Variants in FBXL14 observed in about 807,000 individuals in gnomAD.
FBXL14 encodes the protein F-box/LRR-repeat protein 14.
Under a neutral mutation model 24.5 loss-of-function variants are expected in FBXL14, and 11 were observed. That is an observed-to-expected ratio of 0.45 (90% CI 0.28 to 0.74). FBXL14 has a LOEUF of 0.74. FBXL14 is among the 30% of genes least tolerant of loss of function. FBXL14 has a pLI of 0.12. For missense variants in FBXL14, 384 were observed against 545.6 expected (o/e 0.70, Z 2.95); for synonymous variants, 294 against 240.4 (o/e 1.22, Z -2.06).
At chr12:1,580,837 G>C (rs2154438010) in intron 1 of FBXL14, among the ~76,000 whole-genome samples, 1 of 152,274 alleles carries the variant, frequency 6.6e-6, no homozygotes, top group Non-Finnish European at 1.5e-5. Flanking sequence ...TGGAGGAGCG[G>C]GAAGGTGTTT....
chr12:1,566,705 G>C lies in FBXL14; in HGVS notation c.*43C>G, dbSNP rs756416316. The C allele has an allele frequency of 2.7e-5, 21 of 780,090 alleles. No individual in the cohort carries two copies. The highest frequency in any genetic ancestry group is 1.7e-4 in the African/African-American group (10 of 59,138). 48.3% of individuals were successfully genotyped at this position (780,090 alleles called of 1,614,324 possible). On this transcript the variant is annotated 3_prime_UTR_variant, in exon 2 of 2. Transcript: ENST00000339235. ...CGGAGGCGCAGAGCGGGCAAGTCTG[G>C]AAGTTAAAGATCCACGGGAACCATG...
intron 1 of FBXL14, among the ~76,000 whole-genome samples, chr12:1,570,143 CAGA>C (rs1181982493): frequency 2.0e-5 from 3 of 152,152 alleles, no homozygotes; most frequent in Non-Finnish European, 4.4e-5. Context: ...TGTGTTCCTC[CAGA>C]AGCCCACCCT....
Position 1,592,873 on chromosome 12 carries a change from C to T in FBXL14, c.1194G>A (p.Lys398=), listed in dbSNP as rs752029767. 2.8e-5 allele frequency: 43 copies of T among 1,563,260 alleles called. No individual in the cohort carries two copies. The highest frequency in any genetic ancestry group is 3.7e-5 in the Non-Finnish European group (42 of 1,150,118). The change falls in exon 1 of 2, where the codon AAG becomes AAA. Residue 398 remains lysine (K), a splice_region_variant and synonymous_variant. Coordinates refer to ENST00000339235, the MANE Select transcript of FBXL14 (RefSeq NM_152441.3). ...GCTGGTGCTGCCGCCCTCACCTGAC[C>T]TTCTCACTGTCCGTCATCTGCCAGA... ...LGLWQMTDSE[K]EARGDFSPLF...
chr12:1,573,932 G>C (rs888967729), intron 1 of FBXL14, among the ~76,000 whole-genome samples: 2 of 152,052 alleles, frequency 1.3e-5, no homozygotes, highest in African/African-American at 4.8e-5. Context: ...TTGAACCTGG[G>C]AGGTGGAGGT....
intron 1 of FBXL14, among the ~76,000 whole-genome samples, chr12:1,586,182 GTTT>G (rs79133793): frequency 3.6e-5 from 5 of 137,774 alleles, no homozygotes; most frequent in African/African-American, 8.0e-5. Flanking sequence ...AGCATTTGGG[GTTT>G]TTTTTTTTTT....
chr12:1,573,877 T>C (rs1287209203), intron 1 of FBXL14, among the ~76,000 whole-genome samples: 1 of 152,098 alleles, frequency 6.6e-6, no homozygotes, highest in African/African-American at 2.4e-5. Context: ...TGGTGGCGCA[T>C]GCCTGTAATC....
chr12:1,587,844 G>A (rs1322616889), intron 1 of FBXL14, among the ~76,000 whole-genome samples: 2 of 152,176 alleles, frequency 1.3e-5, no homozygotes, highest in Admixed American at 6.5e-5. Context: ...TTCTAATGCT[G>A]TGCTTTACTC....
In FBXL14 at chr12:1,591,704, GTTAATAGAACAGAGATAAGATA is replaced by G. The variant is rs983347934; in HGVS notation, c.1194+1147_1194+1168del. The stretch of plus-strand genomic sequence containing the variant: ...TTTAAAACCCACAAACTCCCATTTT[GTTAATAGAACAGAGATAAGATA>G]TGAGCTTCATCACAGCCCCAGGGGC... On this transcript the variant is annotated intron_variant, in intron 1 of 1. Coordinates refer to ENST00000339235, the MANE Select transcript of FBXL14 (RefSeq NM_152441.3). Among the ~76,000 whole-genome samples the G allele has an allele frequency of 2.8e-4, 42 of 152,142 alleles. 1 individual carries two copies. The highest frequency in any genetic ancestry group is 9.4e-4 in the African/African-American group (39 of 41,424).
In FBXL14 at chr12:1,593,863, C is replaced by T. The variant is rs1389224728; in HGVS notation, c.204G>A (p.Arg68=). Residue 68 remains arginine (R), a synonymous_variant, in exon 1 of 2, where the codon CGG becomes CGA. Transcript: ENST00000339235. This position sits in a 1 kb window ranked among gnomAD's most constrained non-coding sequence, Gnocchi z 7.4. ...TCAGGATCTGCACCCGGCGGATGCCCCGGGCCTGCAGGCTGGGGAACAGCG... is the reference window on the plus strand; with the variant it reads ...TCAGGATCTGCACCCGGCGGATGCCTCGGGCCTGCAGGCTGGGGAACAGCG... The part of the protein sequence containing the change: ...NPSLFPSLQA[R]GIRRVQILSL... 6.2e-7 allele frequency: 1 copy of T among 1,612,802 alleles called. No homozygotes were observed. The highest frequency in any genetic ancestry group is 8.5e-7 in the Non-Finnish European group (1 of 1,179,896).
At chr12:1,568,437 C>T (rs2094439759) in intron 1 of FBXL14, among the ~76,000 whole-genome samples, 1 of 152,004 alleles carries the variant, frequency 6.6e-6, no homozygotes, top group Admixed American at 6.6e-5. Context: ...AAAGAAAATG[C>T]TATAGGTCAG....
chr12:1,591,864 A>G (rs1200262703), intron 1 of FBXL14, among the ~76,000 whole-genome samples: 1 of 152,100 alleles, frequency 6.6e-6, no homozygotes, highest in Non-Finnish European at 1.5e-5. Flanking sequence ...TATAATCATC[A>G]TTTTCAAGAC....
intron 1 of FBXL14, among the ~76,000 whole-genome samples, chr12:1,583,356 C>T (rs1310749846): frequency 6.6e-6 from 1 of 151,018 alleles, no homozygotes; most frequent in Admixed American, 6.6e-5. Context: ...ATGAAGTGCC[C>T]TTTAAGAAGA....
chr12:1,594,067 C>A lies in FBXL14; in HGVS notation c.-1G>T, dbSNP rs780830317. ...ACAGGCATGAGATGTGGGTCTCCATCTTCCTCCTCCCCCCTCCGCGGCGCT... is the reference window on the plus strand; with the variant it reads ...ACAGGCATGAGATGTGGGTCTCCATATTCCTCCTCCCCCCTCCGCGGCGCT... On this transcript the variant is annotated 5_prime_UTR_variant, in exon 1 of 2. Coordinates refer to ENST00000339235, the MANE Select transcript of FBXL14 (RefSeq NM_152441.3). 20 of 1,464,582 alleles carry A rather than the reference C, an allele frequency of 1.4e-5. No homozygotes were observed. The highest frequency in any genetic ancestry group is 1.8e-5 in the Non-Finnish European group (20 of 1,116,284). 90.7% of individuals were successfully genotyped at this position (1,464,582 alleles called of 1,614,324 possible).
In FBXL14 at chr12:1,569,849, A is replaced by G. The variant is rs1405849822; in HGVS notation, c.1195-3039T>C. Among the ~76,000 whole-genome samples, 1 of 152,218 alleles carries G rather than the reference A, an allele frequency of 6.6e-6. No homozygotes were observed. Among genetic ancestry groups the G allele is most frequent in the East Asian group, 1.9e-4 (1 of 5,188 alleles). On this transcript the variant is annotated intron_variant, in intron 1 of 1. Transcript: ENST00000339235. The surrounding 1 kb of genome is among the most constrained non-coding windows in gnomAD (Gnocchi z 4.2). ...CACTCACCCAGAGTCCCCTGTGCAA[A>G]GGAAGGGAGGCTCACACAGAGCCAA...
chr12:1,570,319 G>A (rs539831364), intron 1 of FBXL14, among the ~76,000 whole-genome samples: 9 of 152,288 alleles, frequency 5.9e-5, no homozygotes, highest in African/African-American at 1.9e-4. Flanking sequence ...GAAGTCAGCC[G>A]GGGTACAACA....
chr12:1,570,481 G>A (rs1194301331), intron 1 of FBXL14, among the ~76,000 whole-genome samples: 1 of 152,144 alleles, frequency 6.6e-6, no homozygotes, highest in Non-Finnish European at 1.5e-5. Context: ...TCTCGTGCCT[G>A]AAGGGTGAAG....
chr12:1,583,269 C>T (rs2094470256), intron 1 of FBXL14, among the ~76,000 whole-genome samples: 1 of 151,598 alleles, frequency 6.6e-6, no homozygotes, highest in African/African-American at 2.4e-5. Flanking sequence ...TAAATTGATA[C>T]CTCCATGTAT....
chr12:1,591,313 T>C (rs1055986477), intron 1 of FBXL14, among the ~76,000 whole-genome samples: 4 of 150,164 alleles, frequency 2.7e-5, no homozygotes, highest in Non-Finnish European at 5.9e-5. Context: ...AAGCACACAA[T>C]GCCTTAAAAA....
At chr12:1,588,067 G>C (rs2154438273) in intron 1 of FBXL14, among the ~76,000 whole-genome samples, 1 of 152,354 alleles carries the variant, frequency 6.6e-6, no homozygotes, top group South Asian at 2.1e-4. Context: ...ACACAGCAGA[G>C]ATCAGAGGCC....
Sources: allele counts gnomAD v4.1 joint callset (sites outside exome capture counted in the v4.1 genomes callset), GRCh38; gene constraint gnomAD v4.1.1; non-coding constraint Gnocchi (gnomAD v3.1); transcripts MANE v1.5; gene names NCBI Gene and HGNC (gene_info 2026-07-23, HGNC 2026-07-21).